The following PLCE1 variants were observed in gnomAD, a reference collection of about 807,000 sequenced individuals.
PLCE1 encodes 1-phosphatidylinositol 4,5-bisphosphate phosphodiesterase epsilon-1.
Under a neutral mutation model 242.8 loss-of-function variants are expected in PLCE1, and 119 were observed. That is an observed-to-expected ratio of 0.49 (90% CI 0.42 to 0.57). The LOEUF (loss-of-function observed/expected upper bound fraction) is 0.57, where lower values mean the gene tolerates loss of function less well. PLCE1 is among the 20% of genes least tolerant of loss of function. The pLI, the probability that PLCE1 is intolerant of heterozygous loss-of-function variation, is 0.00. For synonymous variants in PLCE1, 945 were observed against 1,017.4 expected (o/e 0.93, Z 1.35); for missense variants, 2,441 against 2,788.8 (o/e 0.88, Z 2.81).
At chr10:94,239,329 G>A (rs771517844) in intron 7 of PLCE1, among the ~76,000 whole-genome samples, 1 of 152,222 alleles carries the variant, frequency 6.6e-6, no homozygotes, top group Non-Finnish European at 1.5e-5. Context: ...ACGATAGTGA[G>A]TTCTCATGAG....
chr10:94,061,658 G>A (rs2044058853), intron 2 of PLCE1, among the ~76,000 whole-genome samples: 1 of 151,586 alleles, frequency 6.6e-6, no homozygotes, highest in Non-Finnish European at 1.5e-5. Flanking sequence ...AGACCAGCCT[G>A]GGCAACACAG....
intron 4 of PLCE1, among the ~76,000 whole-genome samples, chr10:94,186,175 A>C (rs935781517): frequency 2.0e-5 from 3 of 152,176 alleles, no homozygotes; most frequent in Admixed American, 1.3e-4. Context: ...ATCTGGCAAA[A>C]GGTAAAAATG....
chr10:94,283,948 A>G (rs757288487), intron 21 of PLCE1, 37 bp downstream of exon 21: 127 of 1,601,606 alleles, frequency 7.9e-5, no homozygotes, highest in Non-Finnish European at 1.1e-4. Context: ...CACTTTGACC[A>G]TGTGGTACTC....
At chr10:94,080,677 T>C (rs2044629816) in intron 2 of PLCE1, among the ~76,000 whole-genome samples, 1 of 152,218 alleles carries the variant, frequency 6.6e-6, no homozygotes, top group African/African-American at 2.4e-5. Context: ...TTACACTGTT[T>C]CCATTGTAGG....
intron 2 of PLCE1, among the ~76,000 whole-genome samples, chr10:94,042,706 G>A (rs911821133): frequency 3.3e-5 from 5 of 152,110 alleles, no homozygotes; most frequent in African/African-American, 1.2e-4. Context: ...AAATGGCTAA[G>A]ATTTATTTTT....
chr10:94,318,992 G>A (rs2053675964), intron 29 of PLCE1, among the ~76,000 whole-genome samples: 1 of 152,162 alleles, frequency 6.6e-6, no homozygotes, highest in Non-Finnish European at 1.5e-5. Context: ...AGGTTGCAGT[G>A]AGCCAAGATT....
At chr10:94,238,271 A>T (rs1294821603) in intron 7 of PLCE1, among the ~76,000 whole-genome samples, 1 of 152,246 alleles carries the variant, frequency 6.6e-6, no homozygotes. Context: ...AACAACAAAA[A>T]ACAAACTTCA....
intron 2 of PLCE1, among the ~76,000 whole-genome samples, chr10:94,095,609 G>C (rs1489328330): frequency 6.6e-6 from 1 of 152,118 alleles, no homozygotes; most frequent in Non-Finnish European, 1.5e-5. Context: ...TTCAGCACTT[G>C]CTGTGTGTCA....
intron 2 of PLCE1, among the ~76,000 whole-genome samples, chr10:94,065,166 C>T (rs931495542): frequency 1.3e-5 from 2 of 152,160 alleles, no homozygotes; most frequent in Non-Finnish European, 2.9e-5. Context: ...CACCCAACTC[C>T]TGCCTTCACC....
At chr10:94,092,563 G>C (rs1043077879) in intron 2 of PLCE1, among the ~76,000 whole-genome samples, 1 of 151,996 alleles carries the variant, frequency 6.6e-6, no homozygotes, top group African/African-American at 2.4e-5. Flanking sequence ...CAGTAAAAAA[G>C]TTCACATAAT....
chr10:94,213,272 C>A (rs1305051457), intron 4 of PLCE1, among the ~76,000 whole-genome samples: 5 of 152,178 alleles, frequency 3.3e-5, no homozygotes, highest in Non-Finnish European at 7.4e-5. Context: ...AGGATCTGTT[C>A]TTTGCCTGGA....
At chr10:94,326,776 CTGACCAATGGATTCACA>C (rs1312798078) in intron 32 of PLCE1, among the ~76,000 whole-genome samples, 1 of 152,176 alleles carries the variant, frequency 6.6e-6, no homozygotes, top group East Asian at 1.9e-4. Context: ...TTTATTTTTT[CTGACCAATGGATTCACA>C]TGACTTTTTT....
intron 3 of PLCE1, among the ~76,000 whole-genome samples, chr10:94,162,509 T>C (rs1226913925): frequency 6.6e-6 from 1 of 152,254 alleles, no homozygotes; most frequent in African/African-American, 2.4e-5. Flanking sequence ...ATATCCCCTT[T>C]ATCATTTTTT....
At chr10:94,197,844 A>G (rs918830098) in intron 4 of PLCE1, among the ~76,000 whole-genome samples, 3 of 151,918 alleles carry the variant, frequency 2.0e-5, no homozygotes, top group African/African-American at 4.8e-5. Flanking sequence ...TTAGCTGGGC[A>G]TGGTGGCGGG....
intron 2 of PLCE1, among the ~76,000 whole-genome samples, chr10:94,095,585 A>G (rs2045278146): frequency 6.6e-6 from 1 of 152,090 alleles, no homozygotes; most frequent in Non-Finnish European, 1.5e-5. Context: ...ATTTCTTAAT[A>G]ACAATGATTG....
intron 1 of PLCE1, among the ~76,000 whole-genome samples, chr10:93,999,352 A>G (rs1392426570): frequency 6.6e-6 from 1 of 152,152 alleles, no homozygotes; most frequent in Non-Finnish European, 1.5e-5. Flanking sequence ...AGGTTAAGTA[A>G]CTTACCCAAG....
intron 2 of PLCE1, chr10:94,089,006 A>G: frequency 7.1e-7 from 1 of 1,411,910 alleles, no homozygotes; most frequent in South Asian, 1.4e-5. Context: ...ATTTCATTTC[A>G]GCTAATGTAA....
At chr10:94,103,827 CAA>C (rs1403025332) in intron 2 of PLCE1, among the ~76,000 whole-genome samples, 1 of 149,734 alleles carries the variant, frequency 6.7e-6, no homozygotes, top group Non-Finnish European at 1.5e-5. Context: ...TCGAATAACT[CAA>C]GCAAAGTCAT....
chr10:94,259,048 G>C lies in PLCE1; in HGVS notation c.3712G>C (p.Asp1238His). ...RSRKDLKDLF[D>H]VYAVPCNRSG... ...CCGCAAGGACCTGAAGGATCTGTTT[G>C]ATGTCTATGCAGTGCCCTGCAACCG... The change falls in exon 13 of 33, where the codon GAT (aspartate) becomes CAT (histidine). Residue 1238 changes from aspartate (D) to histidine (H), a missense_variant. Asp to His is a moderately conservative substitution (Grantham distance 81, BLOSUM62 -1). Coordinates refer to ENST00000371380, the MANE Select transcript of PLCE1 (RefSeq NM_016341.4). 1 of 1,614,090 alleles carries C rather than the reference G, an allele frequency of 6.2e-7. No homozygotes were observed. Among genetic ancestry groups the C allele is most frequent in the East Asian group, 2.2e-5 (1 of 44,872 alleles).
Sources: gnomAD v4.1 joint callset for allele counts (sites outside exome capture counted in the v4.1 genomes callset) on GRCh38, gnomAD v4.1.1 for gene constraint, MANE v1.5 for transcripts, NCBI Gene and HGNC (gene_info 2026-07-23, HGNC 2026-07-21) for gene names.